Variants in TASP1 observed in about 807,000 individuals in gnomAD.
TASP1 encodes the protein threonine aspartase 1.
A neutral mutation model predicts 56.6 loss-of-function variants in TASP1; 16 were observed. The ratio of observed to expected loss-of-function variants is 0.28; its 90% CI spans 0.19 to 0.43. The LOEUF (loss-of-function observed/expected upper bound fraction) is 0.43. TASP1 is among the 20% of genes least tolerant of loss of function. The probability of loss-of-function intolerance (pLI) is 1.00; values close to 1 mark genes in which losing one functional copy is unlikely to be tolerated. For missense variants in TASP1, 393 were observed against 511.6 expected, an observed-to-expected ratio of 0.77 and a Z score of 2.24; for synonymous variants, 179 against 184.2, an observed-to-expected ratio of 0.97 and a Z score of 0.23.
At chr20:13,528,552 C>T (rs2045082630) in intron 9 of TASP1, 41 bp from the exon 10 acceptor site, 2 of 1,493,138 alleles carry the variant, frequency 1.3e-6, no homozygotes, top group Non-Finnish European at 1.8e-6. Flanking sequence ...TCAGAAATAT[C>T]ATATGTAATT....
At chr20:13,626,404 G>A (rs746886578) in intron 2 of TASP1, among the ~76,000 whole-genome samples, 1 of 152,156 alleles carries the variant, frequency 6.6e-6, no homozygotes, top group Admixed American at 6.6e-5. Flanking sequence ...TCCAGCCTAC[G>A]CAACAGAGTG....
the TASP1 span, among the ~76,000 whole-genome samples, chr20:13,254,510 T>C: frequency 0.44 from 66,481 of 152,056 alleles, 15,426 homozygotes; most frequent in East Asian, 0.79. Context: ...CCTAAACCCC[T>C]GCTGCTCTCT....
chr20:13,253,065 G>A, the TASP1 span, among the ~76,000 whole-genome samples: 1 of 152,204 alleles, frequency 6.6e-6, no homozygotes, highest in East Asian at 1.9e-4. Context: ...CAGACACACA[G>A]CGAGGGAGAA....
At chr20:13,180,641 T>C in the TASP1 span, among the ~76,000 whole-genome samples, 1 of 152,226 alleles carries the variant, frequency 6.6e-6, no homozygotes. Flanking sequence ...GGAAGTAGAC[T>C]AAGAGGGAAA....
the TASP1 span, among the ~76,000 whole-genome samples, chr20:13,193,667 G>GT: frequency 5.3e-5 from 8 of 152,294 alleles, no homozygotes; most frequent in East Asian, 1.5e-3. Flanking sequence ...GCAGTTTCTC[G>GT]TATGGGTTCA....
intron 1 of TASP1, among the ~76,000 whole-genome samples, chr20:13,634,091 C>A (rs2049198229): frequency 6.6e-6 from 1 of 152,238 alleles, no homozygotes; most frequent in African/African-American, 2.4e-5. Context: ...AAAACTTATA[C>A]ATGGATATTC....
intron 1 of TASP1, among the ~76,000 whole-genome samples, chr20:13,635,534 C>G (rs1336787541): frequency 1.3e-5 from 2 of 151,900 alleles, no homozygotes; most frequent in East Asian, 3.9e-4. Flanking sequence ...ACTAAAGGCA[C>G]GCACCCCCAT....
At chr20:13,142,463 C>G in the TASP1 span, among the ~76,000 whole-genome samples, 5 of 152,210 alleles carry the variant, frequency 3.3e-5, no homozygotes, top group Non-Finnish European at 7.3e-5. Context: ...GTATTCCACA[C>G]TGGCCTTTGT....
the TASP1 span, among the ~76,000 whole-genome samples, chr20:13,224,260 A>G: frequency 6.6e-6 from 1 of 152,144 alleles, no homozygotes. Flanking sequence ...TGTTATTATA[A>G]AAGTTTTATA....
the TASP1 span, among the ~76,000 whole-genome samples, chr20:13,312,413 T>A: frequency 1.3e-5 from 2 of 152,224 alleles, no homozygotes; most frequent in African/African-American, 4.8e-5. Context: ...CCAGCCTTGC[T>A]GGTTCCTCCA....
chr20:13,324,851 A>T, the TASP1 span, among the ~76,000 whole-genome samples: 2 of 152,186 alleles, frequency 1.3e-5, no homozygotes, highest in Non-Finnish European at 2.9e-5. Flanking sequence ...TAAGTTTCTT[A>T]TTTTCTGGAT....
At chr20:13,193,821 A>C in the TASP1 span, among the ~76,000 whole-genome samples, 1 of 152,218 alleles carries the variant, frequency 6.6e-6, no homozygotes, top group Admixed American at 6.5e-5. Flanking sequence ...CAAGACAAGA[A>C]AATAGGAAAG....
chr20:13,596,949 C>T (rs1324346287), intron 4 of TASP1, among the ~76,000 whole-genome samples: 2 of 152,164 alleles, frequency 1.3e-5, no homozygotes, highest in Non-Finnish European at 2.9e-5. Flanking sequence ...TGGATAAATT[C>T]CTGGACACAC....
chr20:13,477,336 C>T (rs887237537), intron 11 of TASP1, among the ~76,000 whole-genome samples: 4 of 151,974 alleles, frequency 2.6e-5, no homozygotes. Flanking sequence ...ATGGAATTTT[C>T]CAACAATAGT....
the TASP1 span, among the ~76,000 whole-genome samples, chr20:13,244,687 T>C: frequency 5.3e-5 from 8 of 152,346 alleles, no homozygotes; most frequent in African/African-American, 1.9e-4. Flanking sequence ...TCAAAATCCC[T>C]GGCCAGGTTT....
intron 4 of TASP1, among the ~76,000 whole-genome samples, chr20:13,612,663 C>T (rs2048387885): frequency 6.6e-6 from 1 of 152,116 alleles, no homozygotes; most frequent in South Asian, 2.1e-4. Context: ...CCAGCCCCCA[C>T]ATAGGGAAAA....
chr20:13,298,499 G>A, the TASP1 span, among the ~76,000 whole-genome samples: 1 of 152,122 alleles, frequency 6.6e-6, no homozygotes, highest in African/African-American at 2.4e-5. Context: ...GGTTATCTAG[G>A]AAAATATCCT....
the TASP1 span, among the ~76,000 whole-genome samples, chr20:13,315,556 A>G: frequency 6.6e-6 from 1 of 152,056 alleles, no homozygotes; most frequent in African/African-American, 2.4e-5. Flanking sequence ...AATAGACTGC[A>G]AAAAGACATA....
chr20:13,328,737 T>C, the TASP1 span, among the ~76,000 whole-genome samples: 11 of 140,414 alleles, frequency 7.8e-5, no homozygotes, highest in Non-Finnish European at 1.5e-4. Flanking sequence ...TTCTCACTTA[T>C]AAGTGGGAGC....
Sources: gnomAD v4.1 joint callset for allele counts (sites outside exome capture counted in the v4.1 genomes callset) on GRCh38, gnomAD v4.1.1 for gene constraint, MANE v1.5 for transcripts, NCBI Gene and HGNC (gene_info 2026-07-23, HGNC 2026-07-21) for gene names.